NKAIN3: variants seen among roughly 807,000 people sequenced by gnomAD.
NKAIN3 encodes sodium/potassium-transporting ATPase subunit beta-1-interacting protein 3.
NKAIN3 carries 25 observed loss-of-function variants against 30.2 expected under a neutral mutation model. That is an observed-to-expected ratio of 0.83 (90% confidence interval 0.60 to 1.16). The LOEUF (loss-of-function observed/expected upper bound fraction) is 1.16, where lower values mean the gene tolerates loss of function less well. Among genes scored for constraint, NKAIN3 ranks in the 50% most tolerant of loss-of-function variants. The pLI, the probability that NKAIN3 is intolerant of heterozygous loss-of-function variation, is 0.00. For missense variants in NKAIN3, 225 were observed against 254.1 expected, an observed-to-expected ratio of 0.89 and a Z score of 0.78; for synonymous variants, 91 against 89.6, an observed-to-expected ratio of 1.02 and a Z score of -0.09.
At chr8:62,523,204 G>A (rs149127090) in intron 1 of NKAIN3, among the ~76,000 whole-genome samples, 182 of 152,102 alleles carry the variant, frequency 1.2e-3, no homozygotes, top group Non-Finnish European at 1.6e-3. Flanking sequence ...ATAACATGCC[G>A]TACAGATTTG....
At chr8:62,375,031 C>T (rs1016844921) in intron 1 of NKAIN3, among the ~76,000 whole-genome samples, 7 of 152,204 alleles carry the variant, frequency 4.6e-5, no homozygotes, top group Non-Finnish European at 8.8e-5. Flanking sequence ...TGTTCCCCTA[C>T]ACCAAATTAA....
chr8:62,563,461 A>G (rs1809651453), intron 1 of NKAIN3, among the ~76,000 whole-genome samples: 1 of 152,128 alleles, frequency 6.6e-6, no homozygotes, highest in Non-Finnish European at 1.5e-5. Flanking sequence ...TTATGGCATG[A>G]TTTATTTTAT....
chr8:62,851,463 G>A (rs192987789), intron 4 of NKAIN3, among the ~76,000 whole-genome samples: 203 of 152,202 alleles, frequency 1.3e-3, no homozygotes, highest in African/African-American at 4.7e-3. Flanking sequence ...TCTCCTGCCT[G>A]ATTGCCCTGG....
intron 1 of NKAIN3, among the ~76,000 whole-genome samples, chr8:62,334,065 C>T (rs979284515): frequency 2.0e-5 from 3 of 151,978 alleles, no homozygotes; most frequent in Admixed American, 6.6e-5. Flanking sequence ...TGTGCTGAGC[C>T]GTGTGAAGAT....
chr8:62,498,805 G>T (rs552671880), intron 1 of NKAIN3, among the ~76,000 whole-genome samples: 1 of 151,368 alleles, frequency 6.6e-6, no homozygotes, highest in African/African-American at 2.4e-5. Flanking sequence ...CTCAGACCCC[G>T]TCAATCTCAC....
intron 4 of NKAIN3, among the ~76,000 whole-genome samples, chr8:62,817,912 T>C (rs1313651423): frequency 1.3e-5 from 2 of 152,206 alleles, no homozygotes; most frequent in African/African-American, 4.8e-5. Flanking sequence ...TTTGATTGCA[T>C]ATATAACTCA....
At chr8:62,354,312 T>C (rs1356674422) in intron 1 of NKAIN3, among the ~76,000 whole-genome samples, 1 of 152,016 alleles carries the variant, frequency 6.6e-6, no homozygotes, top group Non-Finnish European at 1.5e-5. Context: ...AATATAGAGA[T>C]TTTTCAAGAA....
intron 4 of NKAIN3, among the ~76,000 whole-genome samples, chr8:62,770,583 A>C (rs989936306): frequency 6.6e-6 from 1 of 152,116 alleles, no homozygotes; most frequent in Non-Finnish European, 1.5e-5. Context: ...TACTAATAAC[A>C]TTTATAAGGG....
At chr8:62,681,055 G>A (rs1169291557) in intron 3 of NKAIN3, among the ~76,000 whole-genome samples, 64 of 152,120 alleles carry the variant, frequency 4.2e-4, no homozygotes, top group Non-Finnish European at 8.8e-5. Flanking sequence ...CAATTCTGGT[G>A]ACTATTTAGC....
At chr8:62,674,277 T>C (rs1407466987) in intron 3 of NKAIN3, among the ~76,000 whole-genome samples, 1 of 152,234 alleles carries the variant, frequency 6.6e-6, no homozygotes, top group Non-Finnish European at 1.5e-5. Flanking sequence ...CTGGAATTCC[T>C]GCCTGCTGCC....
chr8:62,375,226 C>T (rs989770146), intron 1 of NKAIN3, among the ~76,000 whole-genome samples: 3 of 152,090 alleles, frequency 2.0e-5, no homozygotes, highest in South Asian at 2.1e-4. Flanking sequence ...TAAATGGGAC[C>T]GATGTCATCA....
At chr8:62,475,528 A>G (rs1374524393) in intron 1 of NKAIN3, among the ~76,000 whole-genome samples, 2 of 152,178 alleles carry the variant, frequency 1.3e-5, no homozygotes, top group South Asian at 2.1e-4. Flanking sequence ...GATTTTTAGT[A>G]TATCTACGGA....
At chr8:62,381,758 T>C (rs148575127) in intron 1 of NKAIN3, among the ~76,000 whole-genome samples, 1 of 152,306 alleles carries the variant, frequency 6.6e-6, no homozygotes, top group East Asian at 1.9e-4. Context: ...CAATACATGA[T>C]AGTTGGTTAA....
intron 4 of NKAIN3, among the ~76,000 whole-genome samples, chr8:62,868,400 G>A (rs1820489914): frequency 6.7e-6 from 1 of 149,012 alleles, no homozygotes; most frequent in Non-Finnish European, 1.5e-5. Context: ...GACTATGCTA[G>A]CAAAAGAAAA....
At chr8:62,436,842 AC>A (rs1167862773) in intron 1 of NKAIN3, among the ~76,000 whole-genome samples, 3 of 152,198 alleles carry the variant, frequency 2.0e-5, no homozygotes, top group African/African-American at 7.2e-5. Context: ...TGGACTTCGC[AC>A]AAGTAAAAGT....
chr8:62,330,854 G>A (rs1178726546), intron 1 of NKAIN3, among the ~76,000 whole-genome samples: 1 of 151,732 alleles, frequency 6.6e-6, no homozygotes, highest in African/African-American at 2.4e-5. Context: ...ATCCCTACCA[G>A]GCCCATTCAA....
In NKAIN3 at chr8:62,566,757, A is replaced by G. The variant is rs145577062; in HGVS notation, c.55-12782A>G. ...TCTTTAAAGAGTCAGAGTATCTTGA[A>G]TTTGATGAATGTCAGTAGAGCAGCT... On this transcript the variant is annotated intron_variant, in intron 1 of 6. Coordinates refer to ENST00000623646, the MANE Select transcript of NKAIN3 (RefSeq NM_001304533.3). Among the ~76,000 whole-genome samples, 106 of 152,206 alleles carry G rather than the reference A, an allele frequency of 7.0e-4. 1 individual carries two copies. In the Middle Eastern group the frequency reaches 0.02, roughly 29 times the overall value.
At chr8:62,762,630 C>T (rs1190196764) in intron 4 of NKAIN3, among the ~76,000 whole-genome samples, 1 of 152,108 alleles carries the variant, frequency 6.6e-6, no homozygotes. Flanking sequence ...CACAGTAGAC[C>T]ACATGACAGA....
intron 4 of NKAIN3, among the ~76,000 whole-genome samples, chr8:62,839,384 G>T (rs898578654): frequency 6.7e-6 from 1 of 149,328 alleles, no homozygotes; most frequent in Non-Finnish European, 1.5e-5. Context: ...AACAAATTTG[G>T]ATTTCCTAAA....
Sources: allele counts gnomAD v4.1 joint callset (sites outside exome capture counted in the v4.1 genomes callset), GRCh38; gene constraint gnomAD v4.1.1; transcripts MANE v1.5; gene names NCBI Gene and HGNC (gene_info 2026-07-23, HGNC 2026-07-21).